ATRN: variants seen among roughly 807,000 people sequenced by gnomAD.
ATRN encodes the protein attractin.
In ATRN, 54 loss-of-function variants were observed where a neutral mutation model predicts 178.7. That is an observed-to-expected ratio of 0.30 (90% CI 0.24 to 0.38). The LOEUF (loss-of-function observed/expected upper bound fraction) is 0.38, where lower values mean the gene tolerates loss of function less well. Among genes scored for constraint, ATRN ranks in the 10% least tolerant of loss-of-function variants. ATRN has a pLI of 1.00. For synonymous variants in ATRN, 636 were observed against 663.0 expected, an observed-to-expected ratio of 0.96 and a Z score of 0.63; for missense variants, 1,443 against 1,815.1, an observed-to-expected ratio of 0.79 and a Z score of 3.73.
intron 11 of ATRN, among the ~76,000 whole-genome samples, chr20:3,571,496 A>G (rs1303954589): frequency 6.6e-6 from 1 of 151,816 alleles, no homozygotes; most frequent in Non-Finnish European, 1.5e-5. Flanking sequence ...CATGCCCAGC[A>G]GTAGTGTGTG....
At chr20:3,597,506 T>A (rs964481800) in intron 21 of ATRN, among the ~76,000 whole-genome samples, 1 of 152,204 alleles carries the variant, frequency 6.6e-6, no homozygotes, top group African/African-American at 2.4e-5. Context: ...ATGCCATGGC[T>A]TTTTAGAAGA....
At position 3,583,121 on chromosome 20, in the gene ATRN, T is replaced by C. The variant is rs1600129239; in HGVS notation, c.2764+767T>C. ...TTACAGAGGTATAGGAGAGAATTCA[T>C]AGCATTGTAGATTTCTAAATATTGA... On this transcript the variant is annotated intron_variant, in intron 16 of 28. Coordinates refer to ENST00000262919, the MANE Select transcript of ATRN (RefSeq NM_139321.3). 2.0e-5 allele frequency among the ~76,000 whole-genome samples: 3 copies of C among 152,232 alleles called. No individual in the cohort carries two copies. The East Asian group carries it at 5.8e-4, about 29-fold the overall frequency.
chr20:3,638,880 A>G lies in ATRN; in HGVS notation c.3995A>G (p.Asn1332Ser), dbSNP rs751253024. The G allele has an allele frequency of 1.2e-6, 2 of 1,614,194 alleles. No homozygotes were observed. The highest frequency in any genetic ancestry group is 2.2e-5 in the East Asian group (1 of 44,872). The change falls in exon 27 of 29, where the codon AAT becomes AGT. Residue 1332 changes from asparagine to serine, a missense_variant. This residue lies in a region of ATRN where 289 missense variants were observed against 440.8 expected (regional missense o/e 0.66). Transcript: ENST00000262919. This position sits in a 1 kb window ranked among gnomAD's most constrained non-coding sequence, Gnocchi z 4.5. ...QMASRPFASVNVALETDEEPP... is the reference protein window; with the variant it reads ...QMASRPFASVSVALETDEEPP... The stretch of plus-strand genomic sequence containing the variant: ...GCCAGCCGTCCCTTTGCCTCTGTAA[A>G]TGTCGCCTTGGAAACAGATGAGGAG...
At chr20:3,578,522 A>AT in intron 14 of ATRN, 60 bp from the exon 15 acceptor site, 1 of 1,443,724 alleles carries the variant, frequency 6.9e-7, no homozygotes, top group Non-Finnish European at 9.4e-7. Context: ...TGAACTCATA[A>AT]TACAGTAGTT....
chr20:3,601,108 A>G lies in ATRN; in HGVS notation c.3643+84A>G, dbSNP rs982269583. ...ATATAGGAATTGAGAAAGCGAGCTC[A>G]GGAGACAGATTGGTTTGAAACCCAC... On this transcript the variant is annotated intron_variant, in intron 23 of 28. Coordinates refer to ENST00000262919, the MANE Select transcript of ATRN (RefSeq NM_139321.3). 2.3e-6 allele frequency: 3 copies of G among 1,311,810 alleles called. No individual in the cohort carries two copies. The African/African-American group carries it at 4.4e-5, about 19-fold the overall frequency. The allele number at this position is 1,311,810 out of a possible 1,614,324, so 81.3% of individuals were successfully genotyped here. A position where few individuals can be genotyped will look rare whatever the true frequency, so the allele number is the denominator to read the frequency against.
At chr20:3,510,500 G>A (rs970277362) in intron 1 of ATRN, among the ~76,000 whole-genome samples, 6 of 152,166 alleles carry the variant, frequency 3.9e-5, no homozygotes, top group African/African-American at 1.4e-4. Flanking sequence ...TAGAATATTT[G>A]TACTGCCTTT....
intron 20 of ATRN, 46 bp from the exon 21 acceptor site, chr20:3,596,331 T>C (rs1213852929): frequency 6.5e-7 from 1 of 1,543,364 alleles, no homozygotes; most frequent in Admixed American, 1.7e-5. Context: ...ATGAATTCAG[T>C]TTCTGTTTTA....
At chr20:3,618,122 CAG>C (rs1408501636) in intron 24 of ATRN, among the ~76,000 whole-genome samples, 6 of 152,246 alleles carry the variant, frequency 3.9e-5, no homozygotes, top group East Asian at 1.9e-4. Context: ...CCCCATATCC[CAG>C]AGAGTCATGT....
rs6051893 is a variant in ATRN at position 3,490,253 on chromosome 20, G to A, written c.410+18736G>A. The A allele has an allele frequency of 0.013, 18,733 of 1,445,232 alleles. 1,179 individuals are homozygous for A. In the African/African-American group the frequency reaches 0.17, roughly 13 times the overall value. The allele number at this position is 1,445,232 out of a possible 1,614,324, so 89.5% of individuals were successfully genotyped here. A position where few individuals can be genotyped will look rare whatever the true frequency, so the allele number is the denominator to read the frequency against. On this transcript the variant is annotated intron_variant, in intron 1 of 28. Coordinates refer to ENST00000262919, the MANE Select transcript of ATRN (RefSeq NM_139321.3). Reference sequence around the variant, plus strand: ...TTTCAATCTGTCCAAACCCAGAGAGGCCAACTCCTCCCAGGAGGAGAAGGC... The same window carrying A: ...TTTCAATCTGTCCAAACCCAGAGAGACCAACTCCTCCCAGGAGGAGAAGGC...
intron 1 of ATRN, among the ~76,000 whole-genome samples, chr20:3,474,821 T>TA (rs2084496938): frequency 6.6e-6 from 1 of 151,054 alleles, no homozygotes; most frequent in Admixed American, 6.6e-5. Flanking sequence ...ATCAAGAGGT[T>TA]AGGAGTTGAG....
At chr20:3,560,593 T>C in intron 7 of ATRN, 69 bp from the exon 8 acceptor site, 1 of 1,309,904 alleles carries the variant, frequency 7.6e-7, no homozygotes, top group Non-Finnish European at 1.1e-6. Flanking sequence ...ATTGAGCTTT[T>C]GTTCTTCTCT....
At chr20:3,602,963 C>CAAAAAAAAA (rs3842439) in intron 23 of ATRN, among the ~76,000 whole-genome samples, 18 of 40,876 alleles carry the variant, frequency 4.4e-4, no homozygotes, top group African/African-American at 9.9e-4. Flanking sequence ...AATTCCATCT[C>CAAAAAAAAA]AAAAAAAAAA....
intron 16 of ATRN, among the ~76,000 whole-genome samples, chr20:3,583,156 T>C (rs1392950141): frequency 6.6e-6 from 1 of 152,212 alleles, no homozygotes; most frequent in African/African-American, 2.4e-5. Flanking sequence ...ATTTCTAAAC[T>C]TCTCTAGGGG....
At chr20:3,522,069 C>T (rs1193301573) in intron 1 of ATRN, among the ~76,000 whole-genome samples, 3 of 151,956 alleles carry the variant, frequency 2.0e-5, no homozygotes, top group African/African-American at 7.3e-5. Context: ...GGGTTATAGA[C>T]GTGAGCCAGA....
At chr20:3,488,984 G>A (rs190906901) in intron 1 of ATRN, among the ~76,000 whole-genome samples, 14 of 151,962 alleles carry the variant, frequency 9.2e-5, no homozygotes, top group East Asian at 1.9e-4. Context: ...TTTTTGAGAC[G>A]GAGTCTCACT....
At chr20:3,583,751 T>C in intron 16 of ATRN, 147 bp from the exon 17 acceptor site, 1 of 747,488 alleles carries the variant, frequency 1.3e-6, no homozygotes, top group Non-Finnish European at 2.1e-6. Flanking sequence ...GAGGTTGCAG[T>C]GAGCCGAAAT....
At chr20:3,615,506 G>GA (rs1304879698) in intron 24 of ATRN, among the ~76,000 whole-genome samples, 1 of 149,498 alleles carries the variant, frequency 6.7e-6, no homozygotes, top group Non-Finnish European at 1.5e-5. Flanking sequence ...TTGAAACAAA[G>GA]AAAGACACAT....
chr20:3,565,898 T>A (rs764468313), intron 11 of ATRN, among the ~76,000 whole-genome samples: 1 of 151,990 alleles, frequency 6.6e-6, no homozygotes, highest in East Asian at 1.9e-4. Context: ...TACAGGATTA[T>A]GTGGGTATAA....
chr20:3,492,854 G>GAC (rs1555807888), intron 1 of ATRN, among the ~76,000 whole-genome samples: 1 of 132,434 alleles, frequency 7.6e-6, no homozygotes, highest in African/African-American at 3.0e-5. Context: ...GAGAGAGAGA[G>GAC]GCGCGCGCGC....
Sources: gnomAD v4.1 joint callset for allele counts (sites outside exome capture counted in the v4.1 genomes callset) on GRCh38, gnomAD v4.1.1 for gene constraint, gnomAD v4.1.1 regional missense constraint, Gnocchi (gnomAD v3.1) non-coding constraint, MANE v1.5 for transcripts, NCBI Gene and HGNC (gene_info 2026-07-23, HGNC 2026-07-21) for gene names.